The following MAP3K5 variants were observed in gnomAD, a reference collection of about 807,000 sequenced individuals.
MAP3K5 encodes the protein mitogen-activated protein kinase kinase kinase 5.
A neutral mutation model predicts 158.7 loss-of-function variants in MAP3K5; 56 were observed. The ratio of observed to expected loss-of-function variants is 0.35; its 90% confidence interval spans 0.28 to 0.44. MAP3K5 has a LOEUF of 0.44. Among genes scored for constraint, MAP3K5 ranks in the 20% least tolerant of loss-of-function variants. The probability of loss-of-function intolerance (pLI) is 1.00; values close to 1 mark genes in which losing one functional copy is unlikely to be tolerated. For missense variants in MAP3K5, 1,294 were observed against 1,674.8 expected (o/e 0.77, Z 3.97); for synonymous variants, 579 against 601.7 (o/e 0.96, Z 0.55).
At chr6:136,620,503 G>C (rs1776751587) in intron 15 of MAP3K5, among the ~76,000 whole-genome samples, 1 of 152,104 alleles carries the variant, frequency 6.6e-6, no homozygotes, top group African/African-American at 2.4e-5. Context: ...TCTATAACTG[G>C]AGATGTGGGG....
intron 1 of MAP3K5, among the ~76,000 whole-genome samples, chr6:136,790,504 A>G (rs1325085364): frequency 6.6e-6 from 1 of 152,216 alleles, no homozygotes; most frequent in Non-Finnish European, 1.5e-5. Flanking sequence ...GAAGACCAAA[A>G]CTATTTTAAA....
chr6:136,611,313 A>T lies in MAP3K5; in HGVS notation c.2490T>A (p.Ala830=), dbSNP rs1340668137. ...AAGTTTCAGTACAGGGGTTTATGCC[A>T]GCAAGCCTCTTTGATGTTCCGAAGT... The part of the protein sequence containing the change: ...ISDFGTSKRL[A]GINPCTETFT... The change falls in exon 18 of 30, where the codon GCT becomes GCA. Residue 830 remains alanine (A), a synonymous_variant. Transcript: ENST00000359015. 1 of 1,613,358 alleles carries T rather than the reference A, an allele frequency of 6.2e-7. No individual in the cohort carries two copies. The highest frequency in any genetic ancestry group is 1.7e-5 in the Admixed American group (1 of 59,990).
intron 10 of MAP3K5, among the ~76,000 whole-genome samples, chr6:136,655,689 A>G (rs1778709611): frequency 6.8e-6 from 1 of 147,134 alleles, no homozygotes; most frequent in Admixed American, 6.9e-5. Flanking sequence ...ATCTGAGAAG[A>G]GCAATAAATT....
At chr6:136,772,065 C>A (rs991319104) in intron 1 of MAP3K5, among the ~76,000 whole-genome samples, 3 of 148,476 alleles carry the variant, frequency 2.0e-5, no homozygotes, top group African/African-American at 7.6e-5. Flanking sequence ...TGTGCCACCA[C>A]GCCCAATTAA....
chr6:136,600,731 A>G (rs968551992), intron 21 of MAP3K5, among the ~76,000 whole-genome samples: 2 of 152,214 alleles, frequency 1.3e-5, no homozygotes, highest in African/African-American at 2.4e-5. Flanking sequence ...TAGATAAAGA[A>G]GCATTTACTT....
intron 1 of MAP3K5, among the ~76,000 whole-genome samples, chr6:136,779,129 G>C (rs933421433): frequency 6.6e-6 from 1 of 152,080 alleles, no homozygotes. Flanking sequence ...GCAAAACCCT[G>C]TCTCTACTAA....
Position 136,583,542 on chromosome 6 carries a change from A to T in MAP3K5, c.3411+13T>A. On this transcript the variant is annotated intron_variant, in intron 24 of 29. Transcript: ENST00000359015. ...TAGTGTGTGGGAAAACACTGGCAAA[A>T]TATCATACTTACAGCATCTTGAAAA... 6.2e-7 allele frequency: 1 copy of T among 1,603,522 alleles called. No homozygotes were observed. Among genetic ancestry groups the T allele is most frequent in the Non-Finnish European group, 8.5e-7 (1 of 1,174,860 alleles).
intron 15 of MAP3K5, among the ~76,000 whole-genome samples, chr6:136,622,426 C>T (rs1052162989): frequency 2.6e-5 from 4 of 152,302 alleles, no homozygotes; most frequent in Admixed American, 6.5e-5. Context: ...TGCAACTTCA[C>T]GGACGAATCC....
At chr6:136,611,479 G>T (rs879455037) in intron 17 of MAP3K5, 92 bp from the exon 18 acceptor site, 117 of 657,234 alleles carry the variant, frequency 1.8e-4, no homozygotes, top group Non-Finnish European at 2.9e-4. Flanking sequence ...AAAAAAAAAG[G>T]TGTCCTTACA....
chr6:136,610,324 G>A (rs1222130833), intron 18 of MAP3K5, among the ~76,000 whole-genome samples: 1 of 151,958 alleles, frequency 6.6e-6, no homozygotes, highest in Non-Finnish European at 1.5e-5. Flanking sequence ...TACCTTTTTG[G>A]AAATCACTTG....
intron 1 of MAP3K5, among the ~76,000 whole-genome samples, chr6:136,722,674 CTTT>C (rs372343492): frequency 8.7e-6 from 1 of 115,580 alleles, no homozygotes; most frequent in Non-Finnish European, 1.7e-5. Flanking sequence ...TTTTTTTTTC[CTTT>C]TTTTTTTTTT....
At chr6:136,608,995 C>T (rs1384646970) in intron 18 of MAP3K5, among the ~76,000 whole-genome samples, 10 of 152,198 alleles carry the variant, frequency 6.6e-5, no homozygotes, top group Admixed American at 5.9e-4. Context: ...CAGATCTATA[C>T]ATGTTAGTGA....
At chr6:136,713,294 C>A (rs1189274570) in intron 2 of MAP3K5, among the ~76,000 whole-genome samples, 1 of 152,182 alleles carries the variant, frequency 6.6e-6, no homozygotes, top group African/African-American at 2.4e-5. Flanking sequence ...CATATAATGG[C>A]ATTGTGCATC....
At chr6:136,744,005 T>C (rs760412690) in intron 1 of MAP3K5, among the ~76,000 whole-genome samples, 5 of 152,114 alleles carry the variant, frequency 3.3e-5, no homozygotes, top group Admixed American at 6.5e-5. Flanking sequence ...TGCCAAGGGT[T>C]GTGAGGAGGG....
intron 1 of MAP3K5, among the ~76,000 whole-genome samples, chr6:136,762,644 A>G (rs145602374): frequency 6.6e-5 from 10 of 152,336 alleles, no homozygotes; most frequent in African/African-American, 2.4e-4. Context: ...GGGAAATTAT[A>G]CCAGGGAAAG....
At chr6:136,637,435 C>T in intron 13 of MAP3K5, 29 bp from the exon 14 acceptor site, 1 of 1,252,644 alleles carries the variant, frequency 8.0e-7, no homozygotes, top group African/African-American at 1.5e-5. Flanking sequence ...CGTGAGCATT[C>T]ATAACACAAA....
chr6:136,792,388 T>C lies in MAP3K5; in HGVS notation c.-231A>G. 1 of 995,950 alleles carries C rather than the reference T, an allele frequency of 1.0e-6. No individual in the cohort carries two copies. The highest frequency in any genetic ancestry group is 1.2e-6 in the Non-Finnish European group (1 of 838,608). 61.7% of individuals were successfully genotyped at this position (995,950 alleles called of 1,614,324 possible). A position where few individuals can be genotyped will look rare whatever the true frequency, so the allele number is the denominator to read the frequency against. On this transcript the variant is annotated 5_prime_UTR_variant, in exon 1 of 30. Transcript: ENST00000359015. This position sits in a 1 kb window ranked among gnomAD's most constrained non-coding sequence, Gnocchi z 5.7. ...GCCTCCGTGGCCGCGCCGCTCGCCC[T>C]CTGCAGAGTTTAGAGTACAAGGGGT...
intron 14 of MAP3K5, among the ~76,000 whole-genome samples, chr6:136,623,352 C>T (rs1776893100): frequency 6.6e-6 from 1 of 152,124 alleles, no homozygotes; most frequent in Non-Finnish European, 1.5e-5. Context: ...ATAAATCTTC[C>T]TTTTGTTATT....
At chr6:136,567,931 T>C (rs1360725359) in intron 25 of MAP3K5, 57 bp from the exon 26 acceptor site, 2 of 1,561,266 alleles carry the variant, frequency 1.3e-6, no homozygotes, top group Non-Finnish European at 1.7e-6. Flanking sequence ...TGCCTTAATT[T>C]CTTAAGATAT....
Sources: gnomAD v4.1 joint callset for allele counts (sites outside exome capture counted in the v4.1 genomes callset) on GRCh38, gnomAD v4.1.1 for gene constraint, Gnocchi (gnomAD v3.1) non-coding constraint, MANE v1.5 for transcripts, NCBI Gene and HGNC (gene_info 2026-07-23, HGNC 2026-07-21) for gene names.